The following PRUNE2 variants were observed in gnomAD, a reference collection of about 807,000 sequenced individuals.
The protein encoded by PRUNE2 is protein prune homolog 2.
PRUNE2 carries 164 observed loss-of-function variants against 252.0 expected under a neutral mutation model. The observed-to-expected ratio is 0.65, with a 90% confidence interval of 0.57 to 0.74. The LOEUF (loss-of-function observed/expected upper bound fraction) is 0.74, where lower values mean the gene tolerates loss of function less well. PRUNE2 is among the 30% of genes least tolerant of loss of function. The pLI is 0.00. For missense variants in PRUNE2, 3,495 were observed against 3,711.0 expected, an observed-to-expected ratio of 0.94 and a Z score of 1.51; for synonymous variants, 1,292 against 1,350.2, an observed-to-expected ratio of 0.96 and a Z score of 0.94.
chr9:76,709,845 T>G lies in PRUNE2; in HGVS notation c.2429A>C (p.Glu810Ala), dbSNP rs780257391. 1.9e-6 allele frequency: 3 copies of G among 1,613,758 alleles called. No individual in the cohort carries two copies. The highest frequency in any genetic ancestry group is 3.3e-5 in the Admixed American group (2 of 60,002). ...WSAFGKEDHD[E>A]ALKNTWNLHP... ...CAAATTCCAGGTATTTTTTAAAGCT[T>G]CATCATGATCTTCTTTACCAAATGC... Residue 810 changes from glutamate to alanine, a missense_variant, in exon 8 of 19, where the codon GAA becomes GCA. Coordinates refer to ENST00000376718, the MANE Select transcript of PRUNE2 (RefSeq NM_015225.3).
rs534379964 is a variant in PRUNE2 at position 76,866,762 on chromosome 9, G to A, written c.37-12554C>T. Among the ~76,000 whole-genome samples the A allele has an allele frequency of 3.9e-5, 6 of 152,052 alleles. No homozygotes were observed. In the South Asian group the frequency reaches 1.2e-3, roughly 32 times the overall value. ...AGGAAGTGGGTAAGAAAGGAGGAAG[G>A]GAAAGAAAAGAGAGCGAGAGAAAGA... On this transcript the variant is annotated intron_variant, in intron 1 of 18. Transcript: ENST00000376718.
At chr9:76,850,046 G>C (rs1004766153) in intron 3 of PRUNE2, among the ~76,000 whole-genome samples, 2 of 151,788 alleles carry the variant, frequency 1.3e-5, no homozygotes, top group African/African-American at 4.8e-5. Flanking sequence ...TTGGGATTTT[G>C]GGGTTTGTTT....
At chr9:76,844,997 T>C (rs1589541855) in intron 4 of PRUNE2, among the ~76,000 whole-genome samples, 1 of 76,148 alleles carries the variant, frequency 1.3e-5, no homozygotes, top group African/African-American at 7.1e-5. Context: ...GACCCCCCTC[T>C]CTTAAAAAAA....
At chr9:76,750,471 A>G (rs1228040281) in intron 6 of PRUNE2, among the ~76,000 whole-genome samples, 1 of 152,118 alleles carries the variant, frequency 6.6e-6, no homozygotes, top group Admixed American at 6.5e-5. Flanking sequence ...GGTGGCCAGA[A>G]GTACAGAGGA....
At chr9:76,739,300 T>C (rs1310575180) in intron 6 of PRUNE2, 1 of 152,162 alleles carries the variant, frequency 6.6e-6, no homozygotes, top group African/African-American at 2.4e-5. Flanking sequence ...AGCTCTGTCA[T>C]TAAGTAGTGA....
At chr9:76,830,360 G>C (rs1204687120) in intron 4 of PRUNE2, among the ~76,000 whole-genome samples, 1 of 152,056 alleles carries the variant, frequency 6.6e-6, no homozygotes, top group African/African-American at 2.4e-5. Context: ...AAACGTTAAA[G>C]AAAAACTGTG....
chr9:76,846,598 T>C lies in PRUNE2; in HGVS notation c.425A>G (p.Glu142Gly). The change falls in exon 4 of 19, where the codon GAG (glutamate) becomes GGG (glycine). Residue 142 changes from glutamate to glycine, a missense_variant. Coordinates refer to ENST00000376718, the MANE Select transcript of PRUNE2 (RefSeq NM_015225.3). Reference sequence around the variant, plus strand: ...CTTTAGCACGAGAGAAGAGGAAGACTCTCGGAACTCAACGTTGGCATCGCT... The same window carrying C: ...CTTTAGCACGAGAGAAGAGGAAGACCCTCGGAACTCAACGTTGGCATCGCT... ...EQSDANVEFR[E>G]SSSSLVLKEI... 6.2e-7 allele frequency: 1 copy of C among 1,614,056 alleles called. No homozygotes were observed. Among genetic ancestry groups the C allele is most frequent in the Non-Finnish European group, 8.5e-7 (1 of 1,179,906 alleles).
chr9:76,658,417 A>G (rs1379813210), intron 9 of PRUNE2, among the ~76,000 whole-genome samples: 3 of 152,220 alleles, frequency 2.0e-5, no homozygotes, highest in Non-Finnish European at 4.4e-5. Context: ...GACAGAGGGA[A>G]AGCTGAGCCA....
At chr9:76,803,540 T>C (rs1044852636) in intron 6 of PRUNE2, among the ~76,000 whole-genome samples, 3 of 152,186 alleles carry the variant, frequency 2.0e-5, no homozygotes, top group African/African-American at 4.8e-5. Flanking sequence ...CAGTTCACAA[T>C]AGGAGTCTCA....
intron 9 of PRUNE2, among the ~76,000 whole-genome samples, chr9:76,694,582 AACATTTTAAGTAAT>A (rs1473999365): frequency 1.3e-5 from 2 of 152,200 alleles, no homozygotes; most frequent in African/African-American, 4.8e-5. Context: ...ATACCTTAAA[AACATTTTAAGTAAT>A]ACTTCATTAA....
intron 11 of PRUNE2, chr9:76,652,155 G>A (rs679880): frequency 0.69 from 139,900 of 202,438 alleles, 51,262 homozygotes; most frequent in Non-Finnish European, 0.81. Context: ...AAATTTTATC[G>A]TCCTGATTAA....
intron 6 of PRUNE2, among the ~76,000 whole-genome samples, chr9:76,789,443 C>A (rs1290735274): frequency 6.6e-6 from 1 of 152,210 alleles, no homozygotes; most frequent in African/African-American, 2.4e-5. Flanking sequence ...TCACTGTATC[C>A]AGGAATCACA....
chr9:76,870,824 C>T (rs564487285), intron 1 of PRUNE2, among the ~76,000 whole-genome samples: 10 of 150,382 alleles, frequency 6.6e-5, no homozygotes, highest in African/African-American at 2.3e-4. Context: ...AAGCAAATCC[C>T]CATAACTGAA....
chr9:76,661,282 G>T (rs116150477), intron 9 of PRUNE2, among the ~76,000 whole-genome samples: 2 of 152,078 alleles, frequency 1.3e-5, no homozygotes, highest in Non-Finnish European at 2.9e-5. Flanking sequence ...TGGTACAGTC[G>T]TCCAGGCTGG....
chr9:76,694,046 G>A (rs933660651), intron 9 of PRUNE2, among the ~76,000 whole-genome samples: 1 of 152,178 alleles, frequency 6.6e-6, no homozygotes, highest in Non-Finnish European at 1.5e-5. Flanking sequence ...CCAGGGCAAA[G>A]GCTGAAAATG....
At chr9:76,718,122 A>G (rs2047321555) in intron 6 of PRUNE2, among the ~76,000 whole-genome samples, 2 of 152,210 alleles carry the variant, frequency 1.3e-5, no homozygotes, top group Admixed American at 6.5e-5. Context: ...ATGGTGCCCC[A>G]TAGATTACTC....
At chr9:76,789,018 T>C (rs995178246) in intron 6 of PRUNE2, among the ~76,000 whole-genome samples, 1 of 152,216 alleles carries the variant, frequency 6.6e-6, no homozygotes, top group African/African-American at 2.4e-5. Context: ...GAGGGCCTAG[T>C]AGGAGCTTGA....
chr9:76,887,768 T>C (rs984927919), intron 1 of PRUNE2, among the ~76,000 whole-genome samples: 2 of 152,232 alleles, frequency 1.3e-5, no homozygotes, highest in African/African-American at 4.8e-5. Flanking sequence ...AGAAGGCACT[T>C]GGAGCCACAG....
chr9:76,840,422 G>T (rs1282337887), intron 4 of PRUNE2, among the ~76,000 whole-genome samples: 1 of 152,130 alleles, frequency 6.6e-6, no homozygotes, highest in Non-Finnish European at 1.5e-5. Context: ...ATGCATTCTA[G>T]GATACAGCCA....
Sources: gnomAD v4.1 joint callset for allele counts (sites outside exome capture counted in the v4.1 genomes callset) on GRCh38, gnomAD v4.1.1 for gene constraint, MANE v1.5 for transcripts, NCBI Gene and HGNC (gene_info 2026-07-23, HGNC 2026-07-21) for gene names.